The following ZNF827 variants were observed in gnomAD, a reference collection of about 807,000 sequenced individuals.
ZNF827 encodes the protein zinc finger protein 827.
In ZNF827, 13 loss-of-function variants were observed where a neutral mutation model predicts 102.4. The observed-to-expected ratio is 0.13, with a 90% CI of 0.08 to 0.20. ZNF827 has a LOEUF of 0.20. Ranked by LOEUF, ZNF827 falls within the 10% of genes least tolerant of loss-of-function variation. The pLI, the probability that ZNF827 is intolerant of heterozygous loss-of-function variation, is 1.00. For missense variants in ZNF827, 1,103 were observed against 1,344.4 expected (o/e 0.82, Z 2.81); for synonymous variants, 523 against 536.2 (o/e 0.98, Z 0.34).
rs1734221181 is a variant in ZNF827, at chr4:145,759,428, A to G, written c.*2188T>C. 6.6e-6 allele frequency: 1 copy of G among 152,250 alleles called. No homozygotes were observed. Among genetic ancestry groups the G allele is most frequent in the Non-Finnish European group, 1.5e-5 (1 of 68,046 alleles). 9.4% of individuals were successfully genotyped at this position (152,250 alleles called of 1,614,324 possible). On this transcript the variant is annotated 3_prime_UTR_variant, in exon 15 of 15. Transcript: ENST00000508784. ...AAAATAAGAGCTTTTAAATAAGTAT[A>G]AAGTTAGCCTCCTAGCAGGTTACAT... is the stretch of plus-strand genomic sequence containing the variant.
At chr4:145,807,485 T>C (rs1400083903) in intron 8 of ZNF827, among the ~76,000 whole-genome samples, 2 of 151,978 alleles carry the variant, frequency 1.3e-5, no homozygotes, top group East Asian at 3.8e-4. Flanking sequence ...AGTGCTTTTT[T>C]TTTTTGAGAC....
chr4:145,779,639 C>A, intron 8 of ZNF827, 128 bp from the exon 9 acceptor site: 1 of 1,278,174 alleles, frequency 7.8e-7, no homozygotes, highest in Non-Finnish European at 1.1e-6. Flanking sequence ...AATGAGTCTC[C>A]GTAACTGGTT....
chr4:145,928,973 G>C (rs1304588099), intron 1 of ZNF827, among the ~76,000 whole-genome samples: 1 of 152,214 alleles, frequency 6.6e-6, no homozygotes, highest in Non-Finnish European at 1.5e-5. Context: ...TGGGGAGGTG[G>C]GCCCAGTGCG....
chr4:145,796,294 T>A (rs935480677), intron 8 of ZNF827, among the ~76,000 whole-genome samples: 12 of 152,214 alleles, frequency 7.9e-5, no homozygotes, highest in African/African-American at 2.9e-4. Flanking sequence ...CGCAGACATG[T>A]TTCCACTTGT....
At chr4:145,843,564 C>T (rs1745631515) in intron 7 of ZNF827, among the ~76,000 whole-genome samples, 1 of 152,112 alleles carries the variant, frequency 6.6e-6, no homozygotes, top group Admixed American at 6.5e-5. Flanking sequence ...CTAGAGAACA[C>T]CTAAAGAGCA....
At chr4:145,866,119 A>T (rs1401739619) in intron 5 of ZNF827, among the ~76,000 whole-genome samples, 1 of 152,116 alleles carries the variant, frequency 6.6e-6, no homozygotes, top group Non-Finnish European at 1.5e-5. Flanking sequence ...TGCGGTGGAA[A>T]ACCAAGGCCC....
At position 145,902,391 on chromosome 4, in the gene ZNF827, G is replaced by T. The variant is rs972773574; in HGVS notation, c.868C>A (p.Leu290Ile). ...SLASMTSSAA[L>I]LKEVAARAAG... Reference sequence around the variant, plus strand: ...GCCCTTGCGGCCACCTCCTTCAGAAGGGCCGCTGAGGAGGTCATAGAAGCC... The same window carrying T: ...GCCCTTGCGGCCACCTCCTTCAGAATGGCCGCTGAGGAGGTCATAGAAGCC... The change falls in exon 2 of 15, where the codon CTT becomes ATT. Residue 290 changes from leucine (L) to isoleucine (I), a missense_variant. Coordinates refer to ENST00000508784, the MANE Select transcript of ZNF827 (RefSeq NM_001306215.2). The surrounding 1 kb of genome is among the most constrained non-coding windows in gnomAD (Gnocchi z 4.3). 4 of 1,613,698 alleles carry T rather than the reference G, an allele frequency of 2.5e-6. No individual in the cohort carries two copies. The highest frequency in any genetic ancestry group is 1.6e-4 in the Middle Eastern group (1 of 6,080).
At chr4:145,877,240 G>A (rs1749222301) in intron 4 of ZNF827, among the ~76,000 whole-genome samples, 1 of 152,140 alleles carries the variant, frequency 6.6e-6, no homozygotes, top group Non-Finnish European at 1.5e-5. Context: ...TAACTCTCCA[G>A]ATCACAAGCC....
intron 2 of ZNF827, among the ~76,000 whole-genome samples, chr4:145,895,176 T>C (rs1750880595): frequency 6.6e-6 from 1 of 152,152 alleles, no homozygotes; most frequent in Admixed American, 6.6e-5. Flanking sequence ...GACCTGAGAT[T>C]TCATGGCACA....
At chr4:145,886,278 C>A (rs1253130638) in intron 3 of ZNF827, 120 bp from the exon 4 acceptor site, 3 of 1,413,574 alleles carry the variant, frequency 2.1e-6, no homozygotes, top group African/African-American at 2.9e-5. Flanking sequence ...CTTTGTACTG[C>A]AGAGCATTTC....
intron 4 of ZNF827, among the ~76,000 whole-genome samples, chr4:145,881,877 T>C (rs1749700010): frequency 6.6e-6 from 1 of 152,222 alleles, no homozygotes; most frequent in Non-Finnish European, 1.5e-5. Context: ...AAAAATACTG[T>C]ACCATGTAAC....
At chr4:145,937,462 C>T (rs1754278867) in intron 1 of ZNF827, among the ~76,000 whole-genome samples, 1 of 151,278 alleles carries the variant, frequency 6.6e-6, no homozygotes, top group Non-Finnish European at 1.5e-5. Flanking sequence ...TCTGCAGGGA[C>T]CTCGCGCGCC....
intron 8 of ZNF827, among the ~76,000 whole-genome samples, chr4:145,792,295 C>T (rs1384079284): frequency 6.6e-6 from 1 of 151,758 alleles, no homozygotes; most frequent in African/African-American, 2.4e-5. Flanking sequence ...AAATTTACTC[C>T]TACTCCTATT....
intron 5 of ZNF827, among the ~76,000 whole-genome samples, 191 bp from the exon 6 acceptor site, chr4:145,849,752 T>C (rs1319213341): frequency 6.6e-6 from 1 of 152,044 alleles, no homozygotes; most frequent in Non-Finnish European, 1.5e-5. Flanking sequence ...GTAGGAGACT[T>C]CAGTTTTTTT....
chr4:145,892,543 G>A (rs182205644), intron 2 of ZNF827, 128 bp from the exon 3 acceptor site: 64 of 1,021,548 alleles, frequency 6.3e-5, no homozygotes, highest in African/African-American at 2.0e-4. Context: ...TGACAATTCC[G>A]AGATTTTATC....
At chr4:145,928,030 T>C (rs1484955496) in intron 1 of ZNF827, among the ~76,000 whole-genome samples, 1 of 152,210 alleles carries the variant, frequency 6.6e-6, no homozygotes, top group East Asian at 1.9e-4. Context: ...CTGCCTACTG[T>C]AGATTCCTTC....
intron 6 of ZNF827, among the ~76,000 whole-genome samples, chr4:145,848,195 A>T (rs1746168994): frequency 6.6e-6 from 1 of 152,244 alleles, no homozygotes; most frequent in Non-Finnish European, 1.5e-5. Context: ...CATAAATAAA[A>T]GTAGCCTGTT....
At chr4:145,790,652 C>G (rs922915198) in intron 8 of ZNF827, among the ~76,000 whole-genome samples, 9 of 152,118 alleles carry the variant, frequency 5.9e-5, no homozygotes, top group African/African-American at 2.2e-4. Flanking sequence ...TTATTCTAGT[C>G]TTCTTTTCTT....
chr4:145,929,977 A>G (rs970764483), intron 1 of ZNF827, among the ~76,000 whole-genome samples: 2 of 152,190 alleles, frequency 1.3e-5, no homozygotes, highest in African/African-American at 4.8e-5. Context: ...CTGGGCTCTG[A>G]ACAGCCTGGC....
Sources: allele counts gnomAD v4.1 joint callset (sites outside exome capture counted in the v4.1 genomes callset), GRCh38; gene constraint gnomAD v4.1.1; non-coding constraint Gnocchi (gnomAD v3.1); transcripts MANE v1.5; gene names NCBI Gene and HGNC (gene_info 2026-07-23, HGNC 2026-07-21).